MTMR8: variants seen among roughly 807,000 people sequenced by gnomAD.
The protein encoded by MTMR8 is myotubularin related protein 8.
In MTMR8, 65 loss-of-function variants were observed where a neutral mutation model predicts 39.3. That is an observed-to-expected ratio of 1.65 (90% CI 1.35 to 2.03). The LOEUF (loss-of-function observed/expected upper bound fraction) is 2.03, where lower values mean the gene tolerates loss of function less well. Ranked by LOEUF, MTMR8 falls within the 30% of genes most tolerant of loss-of-function variation. MTMR8 has a pLI of 0.00. For missense variants in MTMR8, 777 were observed against 538.9 expected (o/e 1.44, Z -4.37); for synonymous variants, 245 against 185.2 (o/e 1.32, Z -2.62).
intron 12 of MTMR8, among the ~76,000 whole-genome samples, chrX:64,302,004 T>C (rs1345052114): frequency 8.9e-6 from 1 of 112,507 alleles, no homozygotes; most frequent in East Asian, 2.8e-4. Flanking sequence ...CTGCAGAGGT[T>C]ACTGCTGTCT....
intron 2 of MTMR8, among the ~76,000 whole-genome samples, chrX:64,358,523 TATTTTAC>T (rs1923686979): frequency 1.8e-5 from 2 of 111,704 alleles, no homozygotes; most frequent in South Asian, 7.5e-4. Flanking sequence ...ATTTTATCTG[TATTTTAC>T]AGAAGAAGGA....
At chrX:64,304,164 TA>T (rs758628515) in intron 12 of MTMR8, among the ~76,000 whole-genome samples, 1 of 111,996 alleles carries the variant, frequency 8.9e-6, no homozygotes, top group Non-Finnish European at 1.9e-5. Context: ...ACTAGGTAAA[TA>T]AAAACTTACA....
At chrX:64,317,260 T>C (rs773690912) in intron 12 of MTMR8, among the ~76,000 whole-genome samples, 5 of 111,982 alleles carry the variant, frequency 4.5e-5, no homozygotes, top group Non-Finnish European at 9.4e-5. Flanking sequence ...TGGAATATTA[T>C]CAGCCATTAT....
At chrX:64,386,509 A>AG (rs1295822085) in intron 1 of MTMR8, among the ~76,000 whole-genome samples, 2 of 111,462 alleles carry the variant, frequency 1.8e-5, no homozygotes, top group Non-Finnish European at 3.8e-5. Context: ...TGGGGATGAG[A>AG]GGGGAAAAAC....
chrX:64,331,580 G>A lies in MTMR8; in HGVS notation c.1329C>T (p.Cys443=). The A allele has an allele frequency of 8.3e-7, 1 of 1,209,918 alleles. No homozygotes were observed. Among genetic ancestry groups the A allele is most frequent in the Non-Finnish European group, 1.1e-6 (1 of 894,498 alleles). ...ACCTTAGATCTTCCCGATCCTTCTG[G>A]CAGTTACCAAGGAAGTTTCCAAACT... ...SCQFGNFLGN[C]QKDREDLRVY... The change falls in exon 11 of 14, where the codon TGC becomes TGT. Residue 443 remains cysteine, a synonymous_variant. Coordinates refer to ENST00000374852, the MANE Select transcript of MTMR8 (RefSeq NM_017677.4).
chrX:64,318,472 G>A, intron 12 of MTMR8, among the ~76,000 whole-genome samples: 1 of 110,871 alleles, frequency 9.0e-6, no homozygotes, highest in Non-Finnish European at 1.9e-5. Context: ...AGCTTCTTCA[G>A]CTCCAAGTCT....
chrX:64,305,807 G>T, intron 12 of MTMR8: 1 of 359,161 alleles, frequency 2.8e-6, no homozygotes, highest in South Asian at 3.9e-5. Context: ...GTGGCTCTTT[G>T]TGGTGACATA....
chrX:64,318,701 GTTTT>G (rs1368895527), intron 12 of MTMR8, among the ~76,000 whole-genome samples: 2 of 89,440 alleles, frequency 2.2e-5, no homozygotes, highest in Non-Finnish European at 4.2e-5. Context: ...GTTTGGTTTG[GTTTT>G]TTGTTTTTTT....
Position 64,360,498 on chromosome X carries a change from A to T in MTMR8, c.25-971T>A, listed in dbSNP as rs779533479. 6 of 148,728 alleles carry T rather than the reference A, an allele frequency of 4.0e-5. No homozygotes were observed. The East Asian group carries it at 1.1e-3, about 28-fold the overall frequency. The allele number at this position is 148,728 out of a possible 1,213,427, so 12.3% of individuals were successfully genotyped here. ...GGACTCTATATCCAACAAATAGAACATTCAAGACAACAAAAAAAAATTCCC... is the reference window on the plus strand; with the variant it reads ...GGACTCTATATCCAACAAATAGAACTTTCAAGACAACAAAAAAAAATTCCC... On this transcript the variant is annotated intron_variant, in intron 1 of 13. Coordinates refer to ENST00000374852, the MANE Select transcript of MTMR8 (RefSeq NM_017677.4).
chrX:64,335,998 C>T, intron 10 of MTMR8, 81 bp downstream of exon 10: 2 of 688,101 alleles, frequency 2.9e-6, no homozygotes, highest in South Asian at 3.2e-5. Context: ...CCTTCCTTTA[C>T]ATGTACATAC....
chrX:64,353,119 A>G (rs1923527599), intron 4 of MTMR8, among the ~76,000 whole-genome samples: 1 of 111,989 alleles, frequency 8.9e-6, no homozygotes, highest in South Asian at 3.7e-4. Flanking sequence ...AGTCTCTTCA[A>G]TAAATGGTTC....
At position 64,268,544 on chromosome X, in the gene MTMR8, T is replaced by A. The variant is rs1413445929; in HGVS notation, c.2108A>T (p.His703Leu). The change falls in exon 14 of 14, where the codon CAT (histidine) becomes CTT (leucine). Residue 703 changes from histidine to leucine, a missense_variant. Physicochemically the swap from His to Leu is moderately conservative, Grantham distance 99. Coordinates refer to ENST00000374852, the MANE Select transcript of MTMR8 (RefSeq NM_017677.4). ...ASTKEADYSKHQ is the reference protein window; with the variant it reads ...ASTKEADYSKLQ ...GGAAGATGAGTAACTAACTCACTGA[T>A]GCTTGGAGTAGTCTGCCTCCTTGGT... 1 of 1,203,353 alleles carries A rather than the reference T, an allele frequency of 8.3e-7. No homozygotes were observed. Among genetic ancestry groups the A allele is most frequent in the South Asian group, 1.8e-5 (1 of 55,372 alleles).
intron 12 of MTMR8, among the ~76,000 whole-genome samples, chrX:64,279,934 GC>G (rs1178193942): frequency 3.6e-5 from 4 of 111,784 alleles, no homozygotes; most frequent in African/African-American, 9.7e-5. Flanking sequence ...ATATCCACAT[GC>G]AAAAGAATGA....
intron 1 of MTMR8, among the ~76,000 whole-genome samples, chrX:64,389,511 G>T (rs1924642307): frequency 8.9e-6 from 1 of 112,023 alleles, no homozygotes; most frequent in South Asian, 3.7e-4. Context: ...GAAGGAGTGG[G>T]TTTTGGTGGT....
At chrX:64,360,155 T>C (rs1358982059) in intron 1 of MTMR8, among the ~76,000 whole-genome samples, 1 of 110,240 alleles carries the variant, frequency 9.1e-6, no homozygotes, top group Non-Finnish European at 1.9e-5. Context: ...TAATAAGATA[T>C]GCCAGGCAAA....
intron 1 of MTMR8, among the ~76,000 whole-genome samples, chrX:64,377,551 C>G (rs549574549): frequency 2.7e-5 from 3 of 112,395 alleles, no homozygotes; most frequent in Admixed American, 1.9e-4. Flanking sequence ...TTTGTTTTGG[C>G]CAATATATCC....
chrX:64,311,646 T>G (rs1450273917), intron 12 of MTMR8, among the ~76,000 whole-genome samples: 2 of 111,912 alleles, frequency 1.8e-5, no homozygotes. Flanking sequence ...TTTAAGTCTT[T>G]AATCCATCTG....
At position 64,395,426 on chromosome X, in the gene MTMR8, G is replaced by C; in HGVS notation, c.-63C>G. ...TCCAGATGCCGCCGCCACCGGTCTA[G>C]CCGCCTCCTGCCTCAACCCGGGTTT... On this transcript the variant is annotated 5_prime_UTR_variant, in exon 1 of 14. Transcript: ENST00000374852. 3 of 1,128,424 alleles carry C rather than the reference G, an allele frequency of 2.7e-6. No individual in the cohort carries two copies. Among genetic ancestry groups the C allele is most frequent in the Non-Finnish European group, 3.6e-6 (3 of 825,074 alleles). 93.0% of individuals were successfully genotyped at this position (1,128,424 alleles called of 1,213,427 possible). A position where few individuals can be genotyped will look rare whatever the true frequency, so the allele number is the denominator to read the frequency against.
chrX:64,323,036 G>T (rs1374184381), intron 12 of MTMR8, among the ~76,000 whole-genome samples: 1 of 112,577 alleles, frequency 8.9e-6, no homozygotes. Flanking sequence ...TTGCTTCCAG[G>T]TGCCCCTGCC....
Sources: allele counts gnomAD v4.1 joint callset (sites outside exome capture counted in the v4.1 genomes callset), GRCh38; gene constraint gnomAD v4.1.1; transcripts MANE v1.5; gene names NCBI Gene and HGNC (gene_info 2026-07-23, HGNC 2026-07-21).